The following GATA4 variants were observed in gnomAD, a reference collection of about 807,000 sequenced individuals.
GATA4 encodes the protein transcription factor GATA-4.
GATA4 carries 7 observed loss-of-function variants against 37.9 expected under a neutral mutation model. The observed-to-expected ratio is 0.18, with a 90% CI of 0.11 to 0.35. The LOEUF is 0.35. Among genes scored for constraint, GATA4 ranks in the 10% least tolerant of loss-of-function variants. The pLI is 1.00. For synonymous variants in GATA4, 372 were observed against 292.6 expected, an observed-to-expected ratio of 1.27 and a Z score of -2.77; for missense variants, 647 against 653.0, an observed-to-expected ratio of 0.99 and a Z score of 0.10.
At position 11,685,156 on chromosome 8, in the gene GATA4, A is replaced by T. The variant is rs149156414; in HGVS notation, c.-274+8093A>T. 2.5e-3 allele frequency among the ~76,000 whole-genome samples: 388 copies of T among 152,346 alleles called. 2 individuals carry two copies. Among genetic ancestry groups the T allele is most frequent in the African/African-American group, 8.7e-3 (361 of 41,582 alleles). ...AAACAATAAGAGTTTACTTACATGA[A>T]CTATACTAAATCCATTACACGATCA... On this transcript the variant is annotated intron_variant, in intron 1 of 6. Transcript: ENST00000528712.
chr8:11,725,980 C>A (rs899446326), intron 2 of GATA4, among the ~76,000 whole-genome samples: 1 of 152,210 alleles, frequency 6.6e-6, no homozygotes, highest in Admixed American at 6.5e-5. Context: ...TCTCATTCTA[C>A]CTTCTGGTGC....
chr8:11,730,194 A>T (rs1162355777), intron 2 of GATA4, among the ~76,000 whole-genome samples: 2 of 152,214 alleles, frequency 1.3e-5, no homozygotes, highest in East Asian at 3.9e-4. Flanking sequence ...GATTACAGGC[A>T]TAAGCCATCG....
chr8:11,736,357 CTT>C (rs1801452855), intron 2 of GATA4, among the ~76,000 whole-genome samples: 1 of 152,250 alleles, frequency 6.6e-6, no homozygotes, highest in Non-Finnish European at 1.5e-5. Flanking sequence ...AACTACTGCA[CTT>C]TTGAGTTGTG....
chr8:11,712,563 CAAAG>C (rs1310874857), intron 2 of GATA4, among the ~76,000 whole-genome samples: 1 of 151,626 alleles, frequency 6.6e-6, no homozygotes, highest in African/African-American at 2.4e-5. Flanking sequence ...AAAAGAAAGA[CAAAG>C]AAAAAGAGGC....
intron 1 of GATA4, chr8:11,680,896 C>T (rs1025969072): frequency 1.0e-6 from 1 of 985,284 alleles, no homozygotes; most frequent in African/African-American, 1.7e-5. Context: ...CTGTGTGAGA[C>T]CCCTAAAGAG....
At chr8:11,743,201 A>G (rs2130276571) in intron 2 of GATA4, among the ~76,000 whole-genome samples, 1 of 152,334 alleles carries the variant, frequency 6.6e-6, no homozygotes, top group East Asian at 1.9e-4. Flanking sequence ...GGTAGTGATT[A>G]TTTTTGAGTT....
chr8:11,727,086 C>T (rs1478242334), intron 2 of GATA4, among the ~76,000 whole-genome samples: 1 of 152,306 alleles, frequency 6.6e-6, no homozygotes, highest in African/African-American at 2.4e-5. Flanking sequence ...TCATAACAAA[C>T]GTCACAGGGA....
At chr8:11,726,951 C>T (rs2130179678) in intron 2 of GATA4, among the ~76,000 whole-genome samples, 1 of 152,286 alleles carries the variant, frequency 6.6e-6, no homozygotes, top group South Asian at 2.1e-4. Context: ...CCTTTCCCAT[C>T]TTGGGTGCCT....
intron 2 of GATA4, among the ~76,000 whole-genome samples, chr8:11,717,348 T>C (rs1272390247): frequency 6.6e-6 from 1 of 152,246 alleles, no homozygotes; most frequent in Non-Finnish European, 1.5e-5. Flanking sequence ...ATCTTGCATG[T>C]CATTCCATTG....
At chr8:11,739,359 G>A (rs1801611018) in intron 2 of GATA4, among the ~76,000 whole-genome samples, 2 of 152,156 alleles carry the variant, frequency 1.3e-5, no homozygotes, top group South Asian at 2.1e-4. Context: ...TATTTGGCAG[G>A]AATACCTGAA....
At chr8:11,755,179 C>G in intron 5 of GATA4, 46 bp downstream of exon 5, 1 of 1,497,286 alleles carries the variant, frequency 6.7e-7, no homozygotes, top group Non-Finnish European at 9.3e-7. Flanking sequence ...ATCAGGAGCC[C>G]TCAGAGTGCC....
At position 11,698,922 on chromosome 8, in the gene GATA4, C is replaced by T. The variant is rs149833382; in HGVS notation, c.-728-1586C>T. ...TGCCACCCAGGCTGGGCCCCTCCCT[C>T]CACTTCTGGCCAGTATTCTACTCTG... On this transcript the variant is annotated intron_variant, in intron 1 of 2. Transcript: ENST00000526974. Among the ~76,000 whole-genome samples, 861 of 152,334 alleles carry T rather than the reference C, an allele frequency of 5.7e-3. 4 individuals carry two copies. Among genetic ancestry groups the T allele is most frequent in the African/African-American group, 0.019 (792 of 41,578 alleles).
intron 1 of GATA4, among the ~76,000 whole-genome samples, chr8:11,682,870 T>A (rs1328747842): frequency 1.3e-5 from 2 of 152,212 alleles, no homozygotes; most frequent in Non-Finnish European, 2.9e-5. Context: ...TGACACAGAA[T>A]CTAACAGTTA....
chr8:11,747,617 A>C (rs925931814), intron 2 of GATA4, among the ~76,000 whole-genome samples: 2 of 152,256 alleles, frequency 1.3e-5, no homozygotes, highest in African/African-American at 4.8e-5. Context: ...GCAAATTCCA[A>C]GAACTGAAAA....
intron 1 of GATA4, chr8:11,683,224 G>C (rs1338739873): frequency 9.0e-6 from 7 of 778,128 alleles, no homozygotes; most frequent in Non-Finnish European, 7.8e-6. Context: ...ATCCGGAGCG[G>C]GGGAGGACGG....
intron 2 of GATA4, among the ~76,000 whole-genome samples, chr8:11,726,575 C>G (rs538294923): frequency 6.6e-6 from 1 of 152,202 alleles, no homozygotes; most frequent in East Asian, 1.9e-4. Flanking sequence ...GTGGGATACT[C>G]CAGTCTCTGT....
At chr8:11,693,562 C>CACACAGAGAGAGAGAGAGAGAGAGAG (rs1405047773) in intron 1 of GATA4, among the ~76,000 whole-genome samples, 1 of 72,146 alleles carries the variant, frequency 1.4e-5, no homozygotes, top group Admixed American at 1.5e-4. Context: ...CACACACACA[C>CACACAGAGAGAGAGAGAGAGAGAGAG]AGAGAGAGAG....
At chr8:11,742,318 C>G (rs1801779805) in intron 2 of GATA4, among the ~76,000 whole-genome samples, 1 of 151,732 alleles carries the variant, frequency 6.6e-6, no homozygotes, top group Non-Finnish European at 1.5e-5. Context: ...ATCATTTGTT[C>G]TTCAACCTCT....
chr8:11,683,000 A>C, intron 1 of GATA4: 1 of 915,502 alleles, frequency 1.1e-6, no homozygotes, highest in Non-Finnish European at 1.3e-6. Flanking sequence ...AAGTTCTGGG[A>C]AGAGTCTTGA....
Sources: allele counts gnomAD v4.1 joint callset (sites outside exome capture counted in the v4.1 genomes callset), GRCh38; gene constraint gnomAD v4.1.1; transcripts MANE v1.5; gene names NCBI Gene and HGNC (gene_info 2026-07-23, HGNC 2026-07-21).